The following A2M variants were observed in gnomAD, a reference collection of about 807,000 sequenced individuals.
A2M encodes the protein alpha-2-macroglobulin.
A neutral mutation model predicts 183.9 loss-of-function variants in A2M; 128 were observed. The observed-to-expected ratio is 0.70, with a 90% CI of 0.60 to 0.81. The LOEUF (loss-of-function observed/expected upper bound fraction) is 0.81, where lower values mean the gene tolerates loss of function less well. Among genes scored for constraint, A2M ranks in the 30% least tolerant of loss-of-function variants. The pLI, the probability that A2M is intolerant of heterozygous loss-of-function variation, is 0.00. For missense variants in A2M, 1,495 were observed against 1,787.6 expected (o/e 0.84, Z 2.95); for synonymous variants, 592 against 670.8 (o/e 0.88, Z 1.81).
intron 18 of A2M, among the ~76,000 whole-genome samples, chr12:9,092,126 AG>A (rs778029011): frequency 1.6e-3 from 241 of 152,322 alleles, no homozygotes; most frequent in African/African-American, 5.4e-3. Flanking sequence ...CAGAAGGAGC[AG>A]GGAAACGACA....
chr12:9,105,936 T>C (rs147757567), intron 10 of A2M, among the ~76,000 whole-genome samples: 29 of 152,162 alleles, frequency 1.9e-4, no homozygotes, highest in African/African-American at 7.0e-4. Flanking sequence ...TGGTAAACCA[T>C]GAGAAGGAGA....
intron 8 of A2M, 131 bp downstream of exon 8, chr12:9,107,392 GA>G: frequency 2.6e-6 from 3 of 1,142,550 alleles, no homozygotes; most frequent in Admixed American, 5.6e-5. Context: ...GATTTTTTTT[GA>G]AAAATTACAA....
Position 9,106,246 on chromosome 12 carries a change from A to G in A2M, c.1094T>C (p.Phe365Ser), listed in dbSNP as rs1938272729. ...TGGAAAATACTCCACCTGCCCAAAG[A>G]AGGGAATTCCCTGTCGAAAGTGTGA... Reference protein sequence around the residue: ...VDSHFRQGIPFFGQVRLVDGK... With the variant: ...VDSHFRQGIPSFGQVRLVDGK... Residue 365 changes from phenylalanine to serine, a missense_variant, in exon 10 of 36, where the codon TTC becomes TCC. Physicochemically the swap from Phe to Ser is radical, Grantham distance 155 (BLOSUM62 -2). Coordinates refer to ENST00000318602, the MANE Select transcript of A2M (RefSeq NM_000014.6). 6.2e-7 allele frequency: 1 copy of G among 1,607,794 alleles called. No homozygotes were observed. The highest frequency in any genetic ancestry group is 1.7e-5 in the Admixed American group (1 of 59,964).
At chr12:9,092,307 A>C (rs1949236966) in intron 18 of A2M, among the ~76,000 whole-genome samples, 1 of 152,158 alleles carries the variant, frequency 6.6e-6, no homozygotes. Context: ...TAAATCACCT[A>C]GCTCCAGGAG....
At chr12:9,102,658 CA>C (rs1275034412) in intron 11 of A2M, among the ~76,000 whole-genome samples, 1 of 152,138 alleles carries the variant, frequency 6.6e-6, no homozygotes, top group Non-Finnish European at 1.5e-5. Flanking sequence ...CCCCAGCTCC[CA>C]ATAGCACTAG....
At chr12:9,112,834 T>A in intron 2 of A2M, 1 of 374,294 alleles carries the variant, frequency 2.7e-6, no homozygotes, top group Middle Eastern at 7.6e-4. Context: ...AGGCTGATAT[T>A]ACATGCTAAA....
intron 1 of A2M, chr12:9,115,165 CTCTATTA>C (rs1939029339): frequency 1.3e-5 from 2 of 152,388 alleles, no homozygotes; most frequent in Non-Finnish European, 2.9e-5. Flanking sequence ...TCACCTAGTA[CTCTATTA>C]TCAAGAATCC....
Position 9,109,336 on chromosome 12 carries a change from A to G in A2M, c.743T>C (p.Val248Ala). ...ATGAACTCACAGGCCACACACTGATACATTCATCTCTTCTTCCAAGATGGT... is the reference window on the plus strand; with the variant it reads ...ATGAACTCACAGGCCACACACTGATGCATTCATCTCTTCTTCCAAGATGGT... Reference protein sequence around the residue: ...IITILEEEMNVSVCGLYTYGK... With the variant: ...IITILEEEMNASVCGLYTYGK... Residue 248 changes from valine to alanine, a missense_variant, in exon 7 of 36, where the codon GTA (valine) becomes GCA (alanine). By Grantham distance (64) the Val-to-Ala change is moderately conservative (BLOSUM62 0). Transcript: ENST00000318602. 1.2e-6 allele frequency: 2 copies of G among 1,612,594 alleles called. No homozygotes were observed. The highest frequency in any genetic ancestry group is 1.7e-6 in the Non-Finnish European group (2 of 1,178,830).
chr12:9,112,236 G>A (rs377203186), intron 3 of A2M, 25 bp from the exon 4 acceptor site: 40 of 1,613,526 alleles, frequency 2.5e-5, no homozygotes, highest in Non-Finnish European at 4.2e-6. Context: ...TTTTTCATGA[G>A]CCCCCAAACC....
chr12:9,095,054 T>C lies in A2M; in HGVS notation c.2044A>G (p.Lys682Glu), dbSNP rs911530232. 1 of 1,594,354 alleles carries C rather than the reference T, an allele frequency of 6.3e-7. No homozygotes were observed. Among genetic ancestry groups the C allele is most frequent in the Non-Finnish European group, 8.6e-7 (1 of 1,169,004 alleles). ...DMGLKAFTNS[K>E]IRKPKMCPQL... ...GGACACATTTTGGGTTTACGAATCT[T>C]TGAGTTGGTGAATGCCTTTAAGCCC... The change falls in exon 17 of 36, where the codon AAG becomes GAG. Residue 682 changes from lysine (K) to glutamate (E), a missense_variant. Coordinates refer to ENST00000318602, the MANE Select transcript of A2M (RefSeq NM_000014.6).
intron 20 of A2M, 118 bp from the exon 21 acceptor site, chr12:9,090,141 A>C (rs778492989): frequency 3.4e-5 from 50 of 1,454,250 alleles, no homozygotes; most frequent in Non-Finnish European, 4.3e-5. Flanking sequence ...ACACAGAAGC[A>C]GGAACGGAAA....
intron 17 of A2M, among the ~76,000 whole-genome samples, chr12:9,093,826 C>T (rs988250446): frequency 6.8e-6 from 1 of 146,744 alleles, no homozygotes; most frequent in Non-Finnish European, 1.5e-5. Flanking sequence ...TTTGAGAGGC[C>T]GAGGCCGAGA....
intron 8 of A2M, among the ~76,000 whole-genome samples, chr12:9,106,866 T>G (rs1336641243): frequency 6.6e-6 from 1 of 152,186 alleles, no homozygotes; most frequent in Non-Finnish European, 1.5e-5. Flanking sequence ...GAGGAGTAAT[T>G]TTTTTTGTAC....
chr12:9,077,310 A>G, intron 27 of A2M, 36 bp downstream of exon 27: 1 of 1,575,190 alleles, frequency 6.3e-7, no homozygotes, highest in African/African-American at 1.3e-5. Flanking sequence ...TTGCATCCAG[A>G]ACTCTCCTTC....
In A2M at chr12:9,115,912, C is replaced by T. The variant is rs186546405; in HGVS notation, c.-63G>A. ...TTGTACCCTACTCCCTACAATCCAT[C>T]TGGTCCCAAACACTTCCCAAAGCAA... On this transcript the variant is annotated 5_prime_UTR_variant, in exon 1 of 36. Transcript: ENST00000318602. 7.1e-7 allele frequency: 1 copy of T among 1,409,822 alleles called. No individual in the cohort carries two copies. The highest frequency in any genetic ancestry group is 1.2e-5 in the South Asian group (1 of 86,674). The allele number at this position is 1,409,822 out of a possible 1,614,324, so 87.3% of individuals were successfully genotyped here.
chr12:9,088,647 A>C (rs1949118511), intron 22 of A2M, among the ~76,000 whole-genome samples: 1 of 152,088 alleles, frequency 6.6e-6, no homozygotes, highest in African/African-American at 2.4e-5. Context: ...TGTGCTGATA[A>C]ATTTCTTAGT....
intron 18 of A2M, 89 bp from the exon 19 acceptor site, chr12:9,091,518 A>G (rs960052581): frequency 2.1e-5 from 29 of 1,367,656 alleles, no homozygotes; most frequent in Non-Finnish European, 2.9e-5. Flanking sequence ...TTCTACTGCC[A>G]TGACTTAAAA....
intron 14 of A2M, 124 bp from the exon 15 acceptor site, chr12:9,098,880 G>A (rs755179042): frequency 3.0e-5 from 32 of 1,063,606 alleles, no homozygotes; most frequent in Non-Finnish European, 3.9e-5. Flanking sequence ...GTGGAGGGTT[G>A]GCATTGTGTC....
chr12:9,082,224 C>G (rs1468467984), intron 22 of A2M, among the ~76,000 whole-genome samples: 1 of 152,200 alleles, frequency 6.6e-6, no homozygotes, highest in Non-Finnish European at 1.5e-5. Context: ...GTATTTATTT[C>G]TGCCCATCCC....
Sources: gnomAD v4.1 joint callset for allele counts (sites outside exome capture counted in the v4.1 genomes callset) on GRCh38, gnomAD v4.1.1 for gene constraint, MANE v1.5 for transcripts, NCBI Gene and HGNC (gene_info 2026-07-23, HGNC 2026-07-21) for gene names.